PLB1: variants seen among roughly 807,000 people sequenced by gnomAD.
PLB1 encodes phospholipase B1.
In PLB1, 242 loss-of-function variants were observed where a neutral mutation model predicts 227.4. That is an observed-to-expected ratio of 1.06 (90% confidence interval 0.96 to 1.18). The LOEUF is 1.18. Ranked by LOEUF, PLB1 falls within the 50% of genes most tolerant of loss-of-function variation. The pLI, the probability that PLB1 is intolerant of heterozygous loss-of-function variation, is 0.00. For missense variants in PLB1, 1,858 were observed against 1,816.3 expected, an observed-to-expected ratio of 1.02 and a Z score of -0.42; for synonymous variants, 757 against 682.2, an observed-to-expected ratio of 1.11 and a Z score of -1.71.
intron 20 of PLB1, among the ~76,000 whole-genome samples, chr2:28,567,819 C>T (rs563575901): frequency 6.6e-6 from 1 of 152,208 alleles, no homozygotes; most frequent in East Asian, 1.9e-4. Context: ...AAATTCTCGC[C>T]AGTGCGTACA....
intron 56 of PLB1, among the ~76,000 whole-genome samples, chr2:28,636,415 T>C (rs62129778): frequency 0.24 from 36,338 of 152,102 alleles, 4,625 homozygotes; most frequent in East Asian, 0.33. Context: ...GGAAAATTCT[T>C]TGGTATATTT....
In PLB1 at chr2:28,617,763, G is replaced by C. The variant is rs765033941; in HGVS notation, c.3232G>C (p.Ala1078Pro). The part of the protein sequence containing the change: ...GSDFLCTEWK[A>P]SNSVPTSVHQ... ...TGACTTCCTGTGTACAGAGTGGAAG[G>C]CTTCCAATAGTGTTCCAACCTCTGG... The change falls in exon 45 of 58, where the codon GCT becomes CCT. Residue 1078 changes from alanine (A) to proline (P), a missense_variant. Ala to Pro is a conservative substitution (Grantham distance 27). Transcript: ENST00000327757. The C allele has an allele frequency of 6.2e-7, 1 of 1,614,120 alleles. No homozygotes were observed. Among genetic ancestry groups the C allele is most frequent in the Non-Finnish European group, 8.5e-7 (1 of 1,179,962 alleles).
intron 6 of PLB1, among the ~76,000 whole-genome samples, chr2:28,527,216 A>G (rs1194026092): frequency 6.6e-6 from 1 of 152,134 alleles, no homozygotes. Context: ...GCCCTGTTAC[A>G]AGTCTGAGTG....
At chr2:28,517,106 CAGA>C (rs1242673886) in intron 2 of PLB1, among the ~76,000 whole-genome samples, 1 of 152,108 alleles carries the variant, frequency 6.6e-6, no homozygotes, top group Admixed American at 6.6e-5. Context: ...CAGAAGTGTC[CAGA>C]AGGAGTTATA....
chr2:28,595,176 C>G (rs548365080), intron 33 of PLB1: 53 of 152,308 alleles, frequency 3.5e-4, no homozygotes, highest in African/African-American at 1.3e-3. Flanking sequence ...TGGGAAAATT[C>G]AGCCATTGCT....
intron 1 of PLB1, among the ~76,000 whole-genome samples, chr2:28,504,909 C>T (rs567124332): frequency 1.1e-4 from 16 of 152,188 alleles, no homozygotes; most frequent in African/African-American, 3.9e-4. Context: ...TCTTTTATTG[C>T]ATGGTGCTCA....
chr2:28,568,293 T>C (rs966754365), intron 20 of PLB1, among the ~76,000 whole-genome samples: 6 of 152,216 alleles, frequency 3.9e-5, no homozygotes, highest in African/African-American at 7.2e-5. Flanking sequence ...GGCTCTTTAC[T>C]TCCCATGCTC....
At chr2:28,596,762 TGAAGGA>T (rs1223472181) in intron 33 of PLB1, among the ~76,000 whole-genome samples, 2 of 152,142 alleles carry the variant, frequency 1.3e-5, no homozygotes, top group Non-Finnish European at 2.9e-5. Flanking sequence ...GAGAACTGAG[TGAAGGA>T]GAAGGGTAAG....
chr2:28,632,159 A>G lies in PLB1; in HGVS notation c.4002+19A>G. The G allele has an allele frequency of 6.3e-7, 1 of 1,589,778 alleles. No homozygotes were observed. The highest frequency in any genetic ancestry group is 8.6e-7 in the Non-Finnish European group (1 of 1,158,268). On this transcript the variant is annotated intron_variant, in intron 55 of 57. Transcript: ENST00000327757. ...GAACGAGGTGAGCTGCAGGTATTTTAGGGAGGCTCACGTATGGGGGCCTTA... is the reference window on the plus strand; with the variant it reads ...GAACGAGGTGAGCTGCAGGTATTTTGGGGAGGCTCACGTATGGGGGCCTTA...
At chr2:28,586,058 G>C (rs1486809777) in intron 26 of PLB1, among the ~76,000 whole-genome samples, 1 of 152,182 alleles carries the variant, frequency 6.6e-6, no homozygotes, top group Non-Finnish European at 1.5e-5. Flanking sequence ...ATGACCCACT[G>C]AATCTCAGTT....
At chr2:28,543,017 AGGCCCTGACCTCAG>A (rs1442167824) in intron 13 of PLB1, among the ~76,000 whole-genome samples, 181 bp from the exon 14 acceptor site, 5 of 152,142 alleles carry the variant, frequency 3.3e-5, no homozygotes, top group African/African-American at 7.2e-5. Context: ...CTGCTCCTGC[AGGCCCTGACCTCAG>A]GGCCCTGACC....
Position 28,592,697 on chromosome 2 carries a change from C to G in PLB1, c.2225C>G (p.Ala742Gly), listed in dbSNP as rs1030278021. The G allele has an allele frequency of 1.2e-6, 2 of 1,614,154 alleles. No homozygotes were observed. Among genetic ancestry groups the G allele is most frequent in the Non-Finnish European group, 1.7e-6 (2 of 1,180,016 alleles). ...ALRPADIQVV[A>G]ALGDSLTAGN... ...AGACCTGCAGACATCCAAGTTGTGG[C>G]TGCTCTGGGGGATTCTCTGACCGTA... The change falls in exon 32 of 58, where the codon GCT (alanine) becomes GGT (glycine). Residue 742 changes from alanine to glycine, a missense_variant. Physicochemically the swap from Ala to Gly is moderately conservative, Grantham distance 60 (BLOSUM62 0). Coordinates refer to ENST00000327757, the MANE Select transcript of PLB1 (RefSeq NM_153021.5).
rs571888763 is a variant in PLB1, at chr2:28,546,350, C to G, written c.937-2510C>G. Among the ~76,000 whole-genome samples the G allele has an allele frequency of 9.3e-4, 142 of 152,306 alleles. 1 individual carries two copies. In the South Asian group the frequency reaches 0.028, roughly 30 times the overall value. On this transcript the variant is annotated intron_variant, in intron 14 of 57. Coordinates refer to ENST00000327757, the MANE Select transcript of PLB1 (RefSeq NM_153021.5). ...CTTATGCCGAGTCTACACCAGGTGC[C>G]GAAGCCACAGGCAGAATAAGGAACT...
chr2:28,634,554 A>G (rs1689073619), intron 56 of PLB1, among the ~76,000 whole-genome samples: 1 of 152,178 alleles, frequency 6.6e-6, no homozygotes, highest in African/African-American at 2.4e-5. Context: ...GGGGCTGGAT[A>G]GCCATAGTGA....
rs950305242 is a variant in PLB1 at position 28,566,938 on chromosome 2, C to A, written c.1324+99C>A. On this transcript the variant is annotated intron_variant, in intron 20 of 57. Transcript: ENST00000327757. ...GCGCGGGCCTCGGGAGGAGCCCCGGCTGCAGGAGCCCGCTAAATTCACCAG... is the reference window on the plus strand; with the variant it reads ...GCGCGGGCCTCGGGAGGAGCCCCGGATGCAGGAGCCCGCTAAATTCACCAG... The A allele has an allele frequency of 6.5e-6, 9 of 1,376,658 alleles. No homozygotes were observed. The Admixed American group carries it at 1.2e-4, about 18-fold the overall frequency. The allele number at this position is 1,376,658 out of a possible 1,614,324, so 85.3% of individuals were successfully genotyped here. A position where few individuals can be genotyped will look rare whatever the true frequency, so the allele number is the denominator to read the frequency against.
At chr2:28,500,670 G>C (rs926316345) in intron 1 of PLB1, among the ~76,000 whole-genome samples, 1 of 151,802 alleles carries the variant, frequency 6.6e-6, no homozygotes, top group African/African-American at 2.4e-5. Flanking sequence ...ATTCATCTAT[G>C]GGGGGCTAAG....
chr2:28,617,241 A>G (rs1573462973), intron 44 of PLB1, among the ~76,000 whole-genome samples: 2 of 152,234 alleles, frequency 1.3e-5, no homozygotes, highest in South Asian at 4.1e-4. Flanking sequence ...TACAATTTTA[A>G]AATATTTTGT....
At chr2:28,566,630 A>T in intron 19 of PLB1, 166 bp from the exon 20 acceptor site, 1 of 666,686 alleles carries the variant, frequency 1.5e-6, no homozygotes, top group Non-Finnish European at 2.7e-6. Context: ...GGGGAGTCGT[A>T]TTCTGGTTTG....
intron 43 of PLB1, among the ~76,000 whole-genome samples, chr2:28,613,493 G>A (rs574253461): frequency 6.6e-6 from 1 of 152,154 alleles, no homozygotes; most frequent in South Asian, 2.1e-4. Context: ...CTGGGCTTAT[G>A]TGAAAACTGA....
Sources: allele counts gnomAD v4.1 joint callset (sites outside exome capture counted in the v4.1 genomes callset), GRCh38; gene constraint gnomAD v4.1.1; transcripts MANE v1.5; gene names NCBI Gene and HGNC (gene_info 2026-07-23, HGNC 2026-07-21).